SH3GL2: variants seen among roughly 807,000 people sequenced by gnomAD.
SH3GL2 encodes endophilin-A1.
SH3GL2 carries 24 observed loss-of-function variants against 46.0 expected under a neutral mutation model. The ratio of observed to expected loss-of-function variants is 0.52; its 90% CI spans 0.38 to 0.73. The LOEUF (loss-of-function observed/expected upper bound fraction) is 0.73, where lower values mean the gene tolerates loss of function less well. Ranked by LOEUF, SH3GL2 falls within the 30% of genes least tolerant of loss-of-function variation. The pLI, the probability that SH3GL2 is intolerant of heterozygous loss-of-function variation, is 0.00. For missense variants in SH3GL2, 413 were observed against 424.2 expected (o/e 0.97, Z 0.23); for synonymous variants, 196 against 147.1 (o/e 1.33, Z -2.40).
At chr9:17,731,926 G>A (rs751221012) in intron 1 of SH3GL2, among the ~76,000 whole-genome samples, 2 of 152,092 alleles carry the variant, frequency 1.3e-5, no homozygotes, top group Non-Finnish European at 2.9e-5. Context: ...AAGACATTCA[G>A]TGACTATTTT....
intron 1 of SH3GL2, among the ~76,000 whole-genome samples, chr9:17,692,422 G>T (rs1243949793): frequency 6.6e-6 from 1 of 151,950 alleles, no homozygotes; most frequent in East Asian, 1.9e-4. Flanking sequence ...AAGGTGGGTG[G>T]ATCATTTGAG....
At chr9:17,640,242 C>A (rs1218700876) in intron 1 of SH3GL2, among the ~76,000 whole-genome samples, 3 of 152,060 alleles carry the variant, frequency 2.0e-5, no homozygotes, top group African/African-American at 4.8e-5. Flanking sequence ...ATGAAGCATT[C>A]TGCAGTGTTT....
At chr9:17,592,630 A>G (rs1222167886) in intron 1 of SH3GL2, among the ~76,000 whole-genome samples, 1 of 152,168 alleles carries the variant, frequency 6.6e-6, no homozygotes, top group Non-Finnish European at 1.5e-5. Flanking sequence ...CCTTCACTAA[A>G]TTAGAATGGA....
chr9:17,604,886 C>T (rs1307727520), intron 1 of SH3GL2, among the ~76,000 whole-genome samples: 1 of 151,926 alleles, frequency 6.6e-6, no homozygotes, highest in African/African-American at 2.4e-5. Flanking sequence ...TTCTCTAGGT[C>T]AGTTGTCCCT....
chr9:17,743,393 T>G (rs948260207), intron 1 of SH3GL2, among the ~76,000 whole-genome samples: 1 of 149,672 alleles, frequency 6.7e-6, no homozygotes, highest in African/African-American at 2.5e-5. Flanking sequence ...CCAGTATAAG[T>G]GTATCAGTAC....
At chr9:17,645,635 T>C (rs954220631) in intron 1 of SH3GL2, among the ~76,000 whole-genome samples, 2 of 152,160 alleles carry the variant, frequency 1.3e-5, no homozygotes, top group African/African-American at 4.8e-5. Flanking sequence ...TTATGAAGTT[T>C]AGTTTGGCTG....
chr9:17,638,046 A>G (rs1031289670), intron 1 of SH3GL2, among the ~76,000 whole-genome samples: 1 of 151,900 alleles, frequency 6.6e-6, no homozygotes, highest in Non-Finnish European at 1.5e-5. Flanking sequence ...AGTCCCAGCT[A>G]TTCGGGAGGC....
At chr9:17,628,376 T>C in intron 1 of SH3GL2, among the ~76,000 whole-genome samples, 1 of 152,034 alleles carries the variant, frequency 6.6e-6, no homozygotes, top group East Asian at 1.9e-4. Context: ...AAAATGCATC[T>C]CTAGTTCTGG....
chr9:17,603,279 G>C (rs1209533382), intron 1 of SH3GL2, among the ~76,000 whole-genome samples: 1 of 152,210 alleles, frequency 6.6e-6, no homozygotes, highest in Non-Finnish European at 1.5e-5. Context: ...AGCAACCCAA[G>C]TGTCTGTGGA....
chr9:17,619,375 C>T (rs762252296), intron 1 of SH3GL2, among the ~76,000 whole-genome samples: 2 of 152,180 alleles, frequency 1.3e-5, no homozygotes. Flanking sequence ...TGGCTGACTA[C>T]CTATTTAAAA....
At chr9:17,664,043 A>G (rs932581670) in intron 1 of SH3GL2, among the ~76,000 whole-genome samples, 4 of 152,116 alleles carry the variant, frequency 2.6e-5, no homozygotes, top group African/African-American at 7.2e-5. Flanking sequence ...TGGTAGTTTT[A>G]TTTTTAAAAA....
At chr9:17,613,264 A>C (rs892526204) in intron 1 of SH3GL2, among the ~76,000 whole-genome samples, 1 of 152,216 alleles carries the variant, frequency 6.6e-6, no homozygotes, top group African/African-American at 2.4e-5. Context: ...GCAAAACATT[A>C]GTATTTTCCA....
intron 3 of SH3GL2, among the ~76,000 whole-genome samples, chr9:17,766,743 C>T (rs1823330108): frequency 6.6e-6 from 1 of 151,904 alleles, no homozygotes; most frequent in African/African-American, 2.4e-5. Flanking sequence ...TTGGACTAGC[C>T]ACATTTCAGG....
intron 3 of SH3GL2, among the ~76,000 whole-genome samples, chr9:17,768,370 C>CAAAAAAAAA (rs34891273): frequency 1.5e-5 from 1 of 67,224 alleles, no homozygotes; most frequent in Non-Finnish European, 3.1e-5. Context: ...GACTCTGTCT[C>CAAAAAAAAA]AAAAAAAAAA....
chr9:17,662,035 A>G (rs1820229938), intron 1 of SH3GL2, among the ~76,000 whole-genome samples: 2 of 152,086 alleles, frequency 1.3e-5, no homozygotes, highest in South Asian at 2.1e-4. Context: ...ACTCTTTTAA[A>G]TTTGTTGGGT....
At chr9:17,613,195 G>T (rs552029949) in intron 1 of SH3GL2, among the ~76,000 whole-genome samples, 1 of 152,206 alleles carries the variant, frequency 6.6e-6, no homozygotes, top group Admixed American at 6.5e-5. Context: ...ACGTACTCTA[G>T]AATCTGAAAA....
At chr9:17,736,569 A>G (rs937518361) in intron 1 of SH3GL2, among the ~76,000 whole-genome samples, 2 of 152,152 alleles carry the variant, frequency 1.3e-5, no homozygotes, top group South Asian at 4.1e-4. Context: ...TGGCTTAGGA[A>G]GGAAGAACAT....
At chr9:17,668,124 A>T (rs1820389546) in intron 1 of SH3GL2, among the ~76,000 whole-genome samples, 1 of 152,200 alleles carries the variant, frequency 6.6e-6, no homozygotes. Flanking sequence ...TGAAACACAA[A>T]GTTTTGATGA....
intron 1 of SH3GL2, among the ~76,000 whole-genome samples, chr9:17,658,518 A>G (rs1454325166): frequency 6.6e-6 from 1 of 152,232 alleles, no homozygotes; most frequent in Non-Finnish European, 1.5e-5. Context: ...ATATTGCTTA[A>G]TAGTAAATGT....
Sources: allele counts gnomAD v4.1 joint callset (sites outside exome capture counted in the v4.1 genomes callset), GRCh38; gene constraint gnomAD v4.1.1; transcripts MANE v1.5; gene names NCBI Gene and HGNC (gene_info 2026-07-23, HGNC 2026-07-21).